Variants in SUMF1 observed in about 807,000 individuals in gnomAD.
The protein encoded by SUMF1 is formylglycine-generating enzyme.
Under a neutral mutation model 47.6 loss-of-function variants are expected in SUMF1, and 48 were observed. The observed-to-expected ratio is 1.01, with a 90% confidence interval of 0.80 to 1.28. SUMF1 has a LOEUF of 1.28. Ranked by LOEUF, SUMF1 falls within the 50% of genes most tolerant of loss-of-function variation. SUMF1 has a pLI of 0.00. For missense variants in SUMF1, 571 were observed against 485.4 expected, an observed-to-expected ratio of 1.18 and a Z score of -1.66; for synonymous variants, 230 against 192.1, an observed-to-expected ratio of 1.20 and a Z score of -1.63.
At chr3:4,217,759 T>A (rs887000559) in intron 8 of SUMF1, among the ~76,000 whole-genome samples, 1 of 151,046 alleles carries the variant, frequency 6.6e-6, no homozygotes, top group Non-Finnish European at 1.5e-5. Context: ...TAGCTATTTT[T>A]TTTTAAAACA....
intron 8 of SUMF1, among the ~76,000 whole-genome samples, chr3:4,201,881 C>T (rs552585991): frequency 1.3e-5 from 2 of 151,846 alleles, no homozygotes; most frequent in Admixed American, 6.6e-5. Flanking sequence ...TGTTAAGCAC[C>T]TTTTCAAATA....
chr3:4,178,042 A>C (rs1478754903), intron 8 of SUMF1, among the ~76,000 whole-genome samples: 1 of 152,152 alleles, frequency 6.6e-6, no homozygotes, highest in Non-Finnish European at 1.5e-5. Flanking sequence ...AATTGAGGGA[A>C]TAGTTAAGAG....
At chr3:4,316,182 CATCTT>C in intron 8 of SUMF1, 1 of 647,536 alleles carries the variant, frequency 1.5e-6, no homozygotes. Flanking sequence ...TTGCTAATGA[CATCTT>C]ACTTGCTGTT....
At chr3:4,308,452 A>G (rs1698278050) in intron 8 of SUMF1, among the ~76,000 whole-genome samples, 1 of 152,256 alleles carries the variant, frequency 6.6e-6, no homozygotes, top group Non-Finnish European at 1.5e-5. Context: ...TGTTTTAAAT[A>G]TAACATCTAA....
At chr3:4,446,840 G>A (rs530780278) in intron 3 of SUMF1, among the ~76,000 whole-genome samples, 8 of 152,280 alleles carry the variant, frequency 5.3e-5, no homozygotes, top group Admixed American at 2.6e-4. Flanking sequence ...GGAAAAACTA[G>A]GGGGTAAGGG....
At chr3:4,332,380 A>T (rs1198782075) in intron 8 of SUMF1, among the ~76,000 whole-genome samples, 4 of 152,244 alleles carry the variant, frequency 2.6e-5, no homozygotes, top group Non-Finnish European at 5.9e-5. Context: ...ATGTGAAACA[A>T]GGTAGAAAAT....
intron 7 of SUMF1, among the ~76,000 whole-genome samples, chr3:4,393,102 C>T (rs935953147): frequency 6.6e-6 from 1 of 152,162 alleles, no homozygotes; most frequent in Non-Finnish European, 1.5e-5. Context: ...CCTTTAATGT[C>T]TCTGTTACTT....
intron 8 of SUMF1, among the ~76,000 whole-genome samples, chr3:4,271,795 G>C (rs1697309466): frequency 6.6e-6 from 1 of 151,976 alleles, no homozygotes; most frequent in African/African-American, 2.4e-5. Context: ...AGCCAACCTG[G>C]TCTATGCCAT....
chr3:4,406,854 G>A (rs901756878), intron 7 of SUMF1, among the ~76,000 whole-genome samples: 2 of 152,130 alleles, frequency 1.3e-5, no homozygotes, highest in African/African-American at 2.4e-5. Flanking sequence ...AAATTAGAAT[G>A]TTATATAACC....
intron 8 of SUMF1, among the ~76,000 whole-genome samples, chr3:4,329,809 A>G (rs1245816739): frequency 1.3e-5 from 2 of 152,244 alleles, no homozygotes; most frequent in Admixed American, 6.5e-5. Flanking sequence ...TAATTTTCCA[A>G]ACTTTTATAC....
At chr3:4,147,698 C>T (rs1294085660) in intron 8 of SUMF1, among the ~76,000 whole-genome samples, 2 of 152,032 alleles carry the variant, frequency 1.3e-5, no homozygotes. Context: ...TGTACAGAAC[C>T]AGATGCTTCC....
At chr3:4,277,620 T>C (rs1481501746) in intron 8 of SUMF1, among the ~76,000 whole-genome samples, 3 of 152,070 alleles carry the variant, frequency 2.0e-5, no homozygotes, top group African/African-American at 4.8e-5. Flanking sequence ...TGAAAAACGT[T>C]TATAATCTTT....
At chr3:4,217,074 T>C (rs1250352490) in intron 8 of SUMF1, among the ~76,000 whole-genome samples, 2 of 152,156 alleles carry the variant, frequency 1.3e-5, no homozygotes, top group Non-Finnish European at 2.9e-5. Context: ...CGTATGTTTA[T>C]TGTGGCACTA....
chr3:4,279,146 G>A (rs567806952), intron 8 of SUMF1, among the ~76,000 whole-genome samples: 77 of 152,220 alleles, frequency 5.1e-4, no homozygotes, highest in Admixed American at 1.1e-3. Flanking sequence ...GCATGACTAA[G>A]TTAGACATTT....
intron 8 of SUMF1, among the ~76,000 whole-genome samples, chr3:4,211,643 T>C (rs1487453352): frequency 6.6e-6 from 1 of 152,042 alleles, no homozygotes; most frequent in Non-Finnish European, 1.5e-5. Context: ...GATCTTCAAT[T>C]CTCCAAAAGA....
intron 8 of SUMF1, among the ~76,000 whole-genome samples, chr3:4,283,017 G>C (rs1297982978): frequency 1.3e-5 from 2 of 152,082 alleles, no homozygotes; most frequent in Non-Finnish European, 2.9e-5. Flanking sequence ...CTCTTTTTCA[G>C]ACTGCATATT....
intron 8 of SUMF1, among the ~76,000 whole-genome samples, chr3:4,335,973 A>AAAAAAAAAAC (rs1553558813): frequency 1.3e-3 from 197 of 148,312 alleles, no homozygotes; most frequent in Middle Eastern, 3.5e-3. Context: ...AAAAAAAAAA[A>AAAAAAAAAAC]AAAAAAACAG....
At chr3:4,202,990 C>G (rs1695573282) in intron 8 of SUMF1, among the ~76,000 whole-genome samples, 1 of 151,664 alleles carries the variant, frequency 6.6e-6, no homozygotes, top group South Asian at 2.1e-4. Context: ...ATTTTGGGGT[C>G]TAACATATTC....
At chr3:4,269,916 A>T (rs73806970) in intron 8 of SUMF1, among the ~76,000 whole-genome samples, 4,921 of 152,256 alleles carry the variant, frequency 0.032, 259 homozygotes, top group African/African-American at 0.11. Context: ...GACAGTCTAC[A>T]AGAGGGAACT....
Sources: allele counts gnomAD v4.1 joint callset (sites outside exome capture counted in the v4.1 genomes callset), GRCh38; gene constraint gnomAD v4.1.1; transcripts MANE v1.5; gene names NCBI Gene and HGNC (gene_info 2026-07-23, HGNC 2026-07-21).